Variants in ENOX2 observed in about 807,000 individuals in gnomAD.
ENOX2 encodes the protein ecto-NOX disulfide-thiol exchanger 2.
In ENOX2, 36 loss-of-function variants were observed where a neutral mutation model predicts 45.0. That is an observed-to-expected ratio of 0.80 (90% CI 0.61 to 1.06). The LOEUF is 1.06. Ranked by LOEUF, ENOX2 falls within the 50% of genes least tolerant of loss-of-function variation. The pLI, the probability that ENOX2 is intolerant of heterozygous loss-of-function variation, is 0.00. For missense variants in ENOX2, 423 were observed against 462.5 expected (o/e 0.91, Z 0.78); for synonymous variants, 174 against 152.3 (o/e 1.14, Z -1.05).
chrX:130,768,998 T>C (rs1478084509), intron 3 of ENOX2, among the ~76,000 whole-genome samples: 2 of 111,608 alleles, frequency 1.8e-5, no homozygotes. Context: ...AAGAAAGTTT[T>C]AAATTGCACA....
At chrX:130,883,466 AACTGT>A (rs2078854726) in intron 2 of ENOX2, among the ~76,000 whole-genome samples, 1 of 111,448 alleles carries the variant, frequency 9.0e-6, no homozygotes. Flanking sequence ...ACACACACTC[AACTGT>A]ACTATGCTCA....
At chrX:130,889,576 A>G (rs2078954937) in intron 2 of ENOX2, among the ~76,000 whole-genome samples, 1 of 111,562 alleles carries the variant, frequency 9.0e-6, no homozygotes, top group South Asian at 3.8e-4. Context: ...AGAAAAAGAC[A>G]AGAGAGGAGG....
chrX:130,806,781 A>T lies in ENOX2; in HGVS notation c.-182-23091T>A, dbSNP rs1373581012. On this transcript the variant is annotated intron_variant, in intron 2 of 14. Transcript: ENST00000394363. ...ACAAAGATGTTTCATATCATTTCAT[A>T]TTTACAAAGGTATTTCATATCATTT... Among the ~76,000 whole-genome samples, 3 of 112,477 alleles carry T rather than the reference A, an allele frequency of 2.7e-5. No homozygotes were observed. The East Asian group carries it at 8.3e-4, about 31-fold the overall frequency.
chrX:130,791,783 G>A (rs1454299805), intron 2 of ENOX2, among the ~76,000 whole-genome samples: 1 of 111,459 alleles, frequency 9.0e-6, no homozygotes, highest in Non-Finnish European at 1.9e-5. Context: ...AGTGATGGTA[G>A]ACAATCACAC....
intron 2 of ENOX2, among the ~76,000 whole-genome samples, 177 bp downstream of exon 2, chrX:130,901,507 A>G (rs984000945): frequency 2.7e-5 from 3 of 112,703 alleles, no homozygotes; most frequent in Non-Finnish European, 5.6e-5. Context: ...ACCCAATGAG[A>G]TGACTACAGT....
chrX:130,767,821 A>C (rs1247944224), intron 3 of ENOX2, among the ~76,000 whole-genome samples: 3 of 112,232 alleles, frequency 2.7e-5, no homozygotes, highest in African/African-American at 9.7e-5. Flanking sequence ...TATTTAGCCA[A>C]AAGTTACTAC....
intron 3 of ENOX2, among the ~76,000 whole-genome samples, chrX:130,703,761 G>T (rs1335142727): frequency 6.3e-5 from 7 of 111,626 alleles, no homozygotes; most frequent in Non-Finnish European, 1.9e-5. Context: ...AATAGAGCTG[G>T]ACACACAATC....
chrX:130,800,732 T>C (rs2077203194), intron 2 of ENOX2, among the ~76,000 whole-genome samples: 1 of 111,986 alleles, frequency 8.9e-6, no homozygotes, highest in Non-Finnish European at 1.9e-5. Context: ...TTTTAGAGGA[T>C]AGTGAATTGA....
intron 2 of ENOX2, among the ~76,000 whole-genome samples, chrX:130,858,799 T>C (rs933353141): frequency 1.8e-5 from 2 of 111,983 alleles, no homozygotes; most frequent in Non-Finnish European, 3.8e-5. Flanking sequence ...TTCTGTCCCA[T>C]AACTAGTTAT....
rs555905060 is a variant in ENOX2, at chrX:130,903,197, G to C, written c.-379C>G. ...TGCCCGCCTCGCGCTTCCAGGCCTA[G>C]ACCCGGCACTCTGGCCCAAGGCTGG... On this transcript the variant is annotated 5_prime_UTR_variant, in exon 1 of 15. Transcript: ENST00000394363. 1.8e-5 allele frequency: 2 copies of C among 112,970 alleles called. No individual in the cohort carries two copies. Among genetic ancestry groups the C allele is most frequent in the African/African-American group, 6.4e-5 (2 of 31,018 alleles). 9.3% of individuals were successfully genotyped at this position (112,970 alleles called of 1,213,427 possible).
chrX:130,845,421 G>A (rs1471286257), intron 2 of ENOX2, among the ~76,000 whole-genome samples: 1 of 112,687 alleles, frequency 8.9e-6, no homozygotes. Context: ...AAAGAAGAGT[G>A]TATTCTTCCT....
chrX:130,822,515 A>G (rs2077634941), intron 2 of ENOX2, among the ~76,000 whole-genome samples: 1 of 111,194 alleles, frequency 9.0e-6, no homozygotes, highest in African/African-American at 3.3e-5. Flanking sequence ...TTCTCAGCAA[A>G]CTATCCCAAG....
At chrX:130,776,407 C>T (rs2039857292) in intron 3 of ENOX2, among the ~76,000 whole-genome samples, 1 of 110,813 alleles carries the variant, frequency 9.0e-6, no homozygotes, top group East Asian at 2.8e-4. Context: ...GGGGAAGATC[C>T]CTCATGGCTT....
intron 6 of ENOX2, among the ~76,000 whole-genome samples, chrX:130,670,440 A>G (rs1478480852): frequency 2.7e-5 from 3 of 110,948 alleles, no homozygotes; most frequent in Middle Eastern, 4.2e-3. Flanking sequence ...CTCACATTCT[A>G]TGGGTTGGGT....
At chrX:130,809,744 CGTGT>C (rs764867428) in intron 2 of ENOX2, among the ~76,000 whole-genome samples, 1 of 108,034 alleles carries the variant, frequency 9.3e-6, no homozygotes, top group African/African-American at 3.4e-5. Context: ...AAATGTGTGT[CGTGT>C]GTGTGTGTGT....
chrX:130,625,088 A>G lies in ENOX2; in HGVS notation c.*226T>C, dbSNP rs2035507381. 1 of 354,307 alleles carries G rather than the reference A, an allele frequency of 2.8e-6. No homozygotes were observed. The allele number at this position is 354,307 out of a possible 1,213,427, so 29.2% of individuals were successfully genotyped here. ...ATATTTAAAGACAACCAATTGACAG[A>G]AAGGGGAGGAAGTTACAGCACTTGT... On this transcript the variant is annotated 3_prime_UTR_variant, in exon 15 of 15. Coordinates refer to ENST00000394363, the MANE Select transcript of ENOX2 (RefSeq NM_006375.4).
intron 2 of ENOX2, among the ~76,000 whole-genome samples, chrX:130,899,664 G>A (rs1023229582): frequency 8.9e-6 from 1 of 112,030 alleles, no homozygotes; most frequent in African/African-American, 3.3e-5. Context: ...GCATGCCTAA[G>A]GGTCACAGAT....
chrX:130,742,449 T>C (rs1172248334), intron 3 of ENOX2, among the ~76,000 whole-genome samples: 3 of 109,475 alleles, frequency 2.7e-5, no homozygotes, highest in Non-Finnish European at 5.7e-5. Context: ...AAGGGAGGTC[T>C]CTAATAGTTG....
chrX:130,696,786 C>A (rs1186442271), intron 4 of ENOX2, among the ~76,000 whole-genome samples: 1 of 111,037 alleles, frequency 9.0e-6, no homozygotes, highest in Non-Finnish European at 1.9e-5. Context: ...CCATTAAAAG[C>A]TTCACTTCCC....
Sources: gnomAD v4.1 joint callset for allele counts (sites outside exome capture counted in the v4.1 genomes callset) on GRCh38, gnomAD v4.1.1 for gene constraint, MANE v1.5 for transcripts, NCBI Gene and HGNC (gene_info 2026-07-23, HGNC 2026-07-21) for gene names.